The following REXO1 variants were observed in gnomAD, a reference collection of about 807,000 sequenced individuals.
REXO1 encodes REX1, RNA exonuclease 1 homolog.
In REXO1, 42 loss-of-function variants were observed where a neutral mutation model predicts 102.6. The ratio of observed to expected loss-of-function variants is 0.41; its 90% CI spans 0.32 to 0.53. REXO1 has a LOEUF of 0.53. Ranked by LOEUF, REXO1 falls within the 20% of genes least tolerant of loss-of-function variation. The pLI, the probability that REXO1 is intolerant of heterozygous loss-of-function variation, is 0.27. For synonymous variants in REXO1, 908 were observed against 779.1 expected, an observed-to-expected ratio of 1.17 and a Z score of -2.76; for missense variants, 1,819 against 1,732.5, an observed-to-expected ratio of 1.05 and a Z score of -0.89.
At chr19:1,838,046 G>A (rs557285330) in intron 1 of REXO1, among the ~76,000 whole-genome samples, 7 of 152,164 alleles carry the variant, frequency 4.6e-5, no homozygotes, top group South Asian at 2.1e-4. Context: ...AGTAGCTCAC[G>A]GCTCTAATCC....
intron 4 of REXO1, chr19:1,822,429 G>A (rs1568687737): frequency 1.3e-5 from 2 of 152,326 alleles, no homozygotes; most frequent in East Asian, 1.9e-4. Context: ...AACGGACAGA[G>A]AACCTCCAGA....
At chr19:1,824,565 G>A (rs2069651156) in intron 3 of REXO1, 1 of 152,186 alleles carries the variant, frequency 6.6e-6, no homozygotes, top group African/African-American at 2.4e-5. Context: ...ACCAGACGGA[G>A]TTTGAGGCAC....
rs1162005542 is a variant in REXO1 at position 1,826,384 on chromosome 19, A to AGGGAGGAGGGAG, written c.1912-453_1912-442dup. ...AGCAAGAGCTCGCCACGCTGGGAGT[A>AGGGAGGAGGGAG]GGGAGGAGGGAGGGGAGGAGAAAGG... On this transcript the variant is annotated intron_variant, in intron 2 of 15. Transcript: ENST00000170168. The surrounding 1 kb of genome is among the most constrained non-coding windows in gnomAD (Gnocchi z 4.3). Among the ~76,000 whole-genome samples, 1 of 149,672 alleles carries AGGGAGGAGGGAG rather than the reference A, an allele frequency of 6.7e-6. No individual in the cohort carries two copies. Among genetic ancestry groups the AGGGAGGAGGGAG allele is most frequent in the African/African-American group, 2.5e-5 (1 of 40,606 alleles).
chr19:1,828,267 G>A lies in REXO1; in HGVS notation c.522C>T (p.Ala174=), dbSNP rs779618091. 137 of 1,606,076 alleles carry A rather than the reference G, an allele frequency of 8.5e-5. 1 individual carries two copies. The highest frequency in any genetic ancestry group is 2.1e-4 in the South Asian group (19 of 90,720). ...CCAGCGAGTACTTGCTGCCCGGCTC[G>A]GCAGGGGCGGCCAGTGGGGTGGGCT... The part of the protein sequence containing the change: ...GYQPTPLAAP[A]EPGSKYSLAS... Residue 174 remains alanine, a synonymous_variant, in exon 2 of 16, where the codon GCC becomes GCT. Transcript: ENST00000170168.
At chr19:1,847,059 G>A (rs372276737) in intron 1 of REXO1, among the ~76,000 whole-genome samples, 2 of 152,188 alleles carry the variant, frequency 1.3e-5, no homozygotes, top group African/African-American at 4.8e-5. Context: ...GCTGTCGGCA[G>A]GTCCCTGAGA....
At chr19:1,844,861 G>A (rs1005407520) in intron 1 of REXO1, among the ~76,000 whole-genome samples, 5 of 152,196 alleles carry the variant, frequency 3.3e-5, no homozygotes, top group Non-Finnish European at 5.9e-5. Context: ...CCCTCAACGT[G>A]GTGCCCTCAG....
Position 1,819,924 on chromosome 19 carries a change from C to A in REXO1, c.2650+10G>T. 6.4e-7 allele frequency: 1 copy of A among 1,569,850 alleles called. No homozygotes were observed. The highest frequency in any genetic ancestry group is 8.6e-7 in the Non-Finnish European group (1 of 1,161,550). ...CCCTGAGCCTCCCCCGCCCACCCGC[C>A]AGGACTCACTGCTGAGGCCGGGCAC... On this transcript the variant is annotated intron_variant, in intron 7 of 15. Transcript: ENST00000170168.
At chr19:1,844,095 A>T (rs538434153) in intron 1 of REXO1, among the ~76,000 whole-genome samples, 1 of 152,294 alleles carries the variant, frequency 6.6e-6, no homozygotes, top group African/African-American at 2.4e-5. Flanking sequence ...GGCCTGCTTC[A>T]GGCCCATCCT....
rs748933310 is a variant in REXO1, at chr19:1,828,331, G to A, written c.458C>T (p.Pro153Leu). 3.7e-6 allele frequency: 6 copies of A among 1,609,824 alleles called. No individual in the cohort carries two copies. In the Admixed American group the frequency reaches 6.7e-5, roughly 18 times the overall value. The change falls in exon 2 of 16, where the codon CCC becomes CTC. Residue 153 changes from proline (P) to leucine (L), a missense_variant. By Grantham distance (98) the Pro-to-Leu change is moderately conservative. Coordinates refer to ENST00000170168, the MANE Select transcript of REXO1 (RefSeq NM_020695.4). ...DAFPLAFDYS[P>L]GSHGLLSPDA... ...AGGGCTTAATAGGCCGTGGCTGCCG[G>A]GGCTGTAGTCGAAGGCCAGTGGGAA...
intron 12 of REXO1, 145 bp from the exon 13 acceptor site, chr19:1,816,958 G>A: frequency 4.1e-6 from 3 of 731,018 alleles, no homozygotes; most frequent in Non-Finnish European, 2.3e-6. Flanking sequence ...GCCGAGTGGG[G>A]TGTGACCTCA....
chr19:1,848,152 G>C, intron 1 of REXO1, 50 bp downstream of exon 1: 1 of 987,802 alleles, frequency 1.0e-6, no homozygotes, highest in Non-Finnish European at 1.3e-6. Flanking sequence ...GTGGGGTCCA[G>C]ACCCGGGCAG....
chr19:1,845,960 C>T (rs1050835155), intron 1 of REXO1, among the ~76,000 whole-genome samples: 2 of 152,202 alleles, frequency 1.3e-5, no homozygotes, highest in Admixed American at 6.5e-5. Flanking sequence ...GATAAGCCTC[C>T]GTTTCCCCAC....
intron 12 of REXO1, among the ~76,000 whole-genome samples, 175 bp from the exon 13 acceptor site, chr19:1,816,988 C>T (rs1156614862): frequency 1.3e-5 from 2 of 152,160 alleles, no homozygotes; most frequent in East Asian, 3.9e-4. Context: ...TTTCGCAAAG[C>T]CCTCCTGCCT....
intron 1 of REXO1, among the ~76,000 whole-genome samples, chr19:1,829,533 G>A (rs534408942): frequency 5.8e-4 from 89 of 152,356 alleles, no homozygotes; most frequent in Non-Finnish European, 1.0e-3. Flanking sequence ...TTGTAGCTGG[G>A]CGCGGTGGCG....
rs1005845620 is a variant in REXO1, at chr19:1,815,793, G to C, written c.*273C>G. The C allele has an allele frequency of 8.5e-5, 124 of 1,460,800 alleles. No homozygotes were observed. Among genetic ancestry groups the C allele is most frequent in the Admixed American group, 4.3e-4 (20 of 46,728 alleles). 90.5% of individuals were successfully genotyped at this position (1,460,800 alleles called of 1,614,324 possible). A position where few individuals can be genotyped will look rare whatever the true frequency, so the allele number is the denominator to read the frequency against. Reference sequence around the variant, plus strand: ...GGGCAGGAGGGGCTGCGGGCCGGGTGGGGGCGGGCTCTGTCCTGGTCTCCA... The same window carrying C: ...GGGCAGGAGGGGCTGCGGGCCGGGTCGGGGCGGGCTCTGTCCTGGTCTCCA... On this transcript the variant is annotated 3_prime_UTR_variant, in exon 16 of 16. Coordinates refer to ENST00000170168, the MANE Select transcript of REXO1 (RefSeq NM_020695.4). This position sits in a 1 kb window ranked among gnomAD's most constrained non-coding sequence, Gnocchi z 4.0.
Position 1,816,778 on chromosome 19 carries a change from G to C in REXO1, c.3237C>G (p.Val1079=), listed in dbSNP as rs1383172268. 1 of 1,612,940 alleles carries C rather than the reference G, an allele frequency of 6.2e-7. No homozygotes were observed. The highest frequency in any genetic ancestry group is 1.7e-5 in the Admixed American group (1 of 60,014). ...CGTGCACGTCCGTGTCGACCACCGTGACGCGCGTCAGCTCCAGGCCATATG... is the reference window on the plus strand; with the variant it reads ...CGTGCACGTCCGTGTCGACCACCGTCACGCGCGTCAGCTCCAGGCCATATG... The part of the protein sequence containing the change: ...YTTYGLELTR[V]TVVDTDVHVV... The change falls in exon 13 of 16, where the codon GTC becomes GTG. Residue 1079 remains valine (V), a synonymous_variant. Coordinates refer to ENST00000170168, the MANE Select transcript of REXO1 (RefSeq NM_020695.4).
At chr19:1,824,177 G>A (rs2069637545) in intron 3 of REXO1, 1 of 181,936 alleles carries the variant, frequency 5.5e-6, no homozygotes, top group Non-Finnish European at 1.1e-5. Context: ...CCGGAGCCAG[G>A]CTCTCTGCTT....
rs1351166988 is a variant in REXO1, at chr19:1,827,307, C to T, written c.1482G>A (p.Glu494=). 1 of 1,561,850 alleles carries T rather than the reference C, an allele frequency of 6.4e-7. No homozygotes were observed. Among genetic ancestry groups the T allele is most frequent in the Admixed American group, 1.8e-5 (1 of 55,432 alleles). The stretch of plus-strand genomic sequence containing the variant: ...CCTCGTCTAGTGAGCGGGCTTTCCG[C>T]TCCACTAGCTTCCCCGACGGGGCCT... The part of the protein sequence containing the change: ...STKAPSGKLV[E]RKARSLDEGA... Residue 494 remains glutamate (E), a synonymous_variant, in exon 2 of 16, where the codon GAG becomes GAA. Transcript: ENST00000170168.
chr19:1,828,620 C>T lies in REXO1; in HGVS notation c.169G>A (p.Asp57Asn), dbSNP rs1167148915. Residue 57 changes from aspartate (D) to asparagine (N), a missense_variant, in exon 2 of 16, where the codon GAC becomes AAC. Asp to Asn is a conservative substitution (Grantham distance 23, BLOSUM62 1). Transcript: ENST00000170168. ...EAPPAAGLGYDPYNPELPKPP... is the reference protein window; with the variant it reads ...EAPPAAGLGYNPYNPELPKPP... ...TTGGGCAGCTCAGGGTTGTAGGGGT[C>T]GTAACCCAGCCCTGAAGGGAACAGA... 2 of 1,599,492 alleles carry T rather than the reference C, an allele frequency of 1.3e-6. No homozygotes were observed. Among genetic ancestry groups the T allele is most frequent in the East Asian group, 2.2e-5 (1 of 44,816 alleles).
Sources: gnomAD v4.1 joint callset for allele counts (sites outside exome capture counted in the v4.1 genomes callset) on GRCh38, gnomAD v4.1.1 for gene constraint, Gnocchi (gnomAD v3.1) non-coding constraint, MANE v1.5 for transcripts, NCBI Gene and HGNC (gene_info 2026-07-23, HGNC 2026-07-21) for gene names.